The following VAC14 variants were observed in gnomAD, a reference collection of about 807,000 sequenced individuals.
VAC14 encodes protein VAC14 homolog.
VAC14 carries 47 observed loss-of-function variants against 85.3 expected under a neutral mutation model. The observed-to-expected ratio is 0.55, with a 90% CI of 0.44 to 0.70. The LOEUF (loss-of-function observed/expected upper bound fraction) is 0.70, where lower values mean the gene tolerates loss of function less well. Ranked by LOEUF, VAC14 falls within the 30% of genes least tolerant of loss-of-function variation. The probability of loss-of-function intolerance (pLI) is 0.00; values close to 1 mark genes in which losing one functional copy is unlikely to be tolerated. For missense variants in VAC14, 861 were observed against 1,004.3 expected, an observed-to-expected ratio of 0.86 and a Z score of 1.93; for synonymous variants, 447 against 430.5, an observed-to-expected ratio of 1.04 and a Z score of -0.47.
intron 18 of VAC14, among the ~76,000 whole-genome samples, chr16:70,692,407 G>A (rs1390690586): frequency 6.6e-6 from 1 of 152,106 alleles, no homozygotes; most frequent in Non-Finnish European, 1.5e-5. Flanking sequence ...TGTGAGGCCT[G>A]GGAGGTGCCC....
intron 14 of VAC14, among the ~76,000 whole-genome samples, chr16:70,730,594 CTTT>C (rs34654239): frequency 3.8e-5 from 4 of 106,538 alleles, no homozygotes; most frequent in Non-Finnish European, 5.5e-5. Flanking sequence ...GAGGCCCAGG[CTTT>C]TTTTTTTTTT....
intron 1 of VAC14, 120 bp from the exon 2 acceptor site, chr16:70,786,485 C>G: frequency 7.5e-7 from 1 of 1,338,900 alleles, no homozygotes; most frequent in Non-Finnish European, 1.0e-6. Context: ...GGGAGACAGG[C>G]GTCTCAGGGC....
rs118085135 is a variant in VAC14, at chr16:70,748,665, G to A, written c.1372-4086C>T. 3.6e-3 allele frequency among the ~76,000 whole-genome samples: 553 copies of A among 152,216 alleles called. 2 individuals carry two copies. Among genetic ancestry groups the A allele is most frequent in the South Asian group, 0.014 (69 of 4,826 alleles). ...AGATCTTCAAGAGCTCATGACACAAGGCCAGGTGCGGTGGCTCACGCCTGT... is the reference window on the plus strand; with the variant it reads ...AGATCTTCAAGAGCTCATGACACAAAGCCAGGTGCGGTGGCTCACGCCTGT... On this transcript the variant is annotated intron_variant, in intron 12 of 18. Coordinates refer to ENST00000261776, the MANE Select transcript of VAC14 (RefSeq NM_018052.5).
chr16:70,737,434 C>T (rs2054794526), intron 13 of VAC14, among the ~76,000 whole-genome samples: 1 of 152,200 alleles, frequency 6.6e-6, no homozygotes, highest in Non-Finnish European at 1.5e-5. Flanking sequence ...GACAGGCTCT[C>T]TTTGAGGGGC....
chr16:70,785,881 C>A lies in VAC14; in HGVS notation c.256-12G>T. The A allele has an allele frequency of 6.2e-7, 1 of 1,600,148 alleles. No individual in the cohort carries two copies. On this transcript the variant is annotated splice_polypyrimidine_tract_variant and intron_variant, in intron 2 of 18. Transcript: ENST00000261776. ...TAGAGCCCTGAGTCCTGCAAGGAGG[C>A]AGGAGGAGAAGACAGATCAGAATGG...
chr16:70,694,622 C>T (rs377384955), intron 17 of VAC14, among the ~76,000 whole-genome samples: 8 of 152,252 alleles, frequency 5.3e-5, no homozygotes, highest in Admixed American at 3.3e-4. Flanking sequence ...TGGGAGAGGC[C>T]GGGTGGCCAG....
intron 14 of VAC14, chr16:70,714,024 T>C (rs765349935): frequency 1.2e-4 from 19 of 152,104 alleles, no homozygotes; most frequent in Non-Finnish European, 2.1e-4. Context: ...CAGATACAAA[T>C]CTCTGCAGCT....
chr16:70,754,086 T>C (rs1401890132), intron 12 of VAC14, among the ~76,000 whole-genome samples: 1 of 152,152 alleles, frequency 6.6e-6, no homozygotes, highest in Admixed American at 6.5e-5. Context: ...CACTGGTCCA[T>C]CTGCCCAGGG....
At chr16:70,795,208 T>C (rs988155206) in intron 1 of VAC14, among the ~76,000 whole-genome samples, 3 of 152,196 alleles carry the variant, frequency 2.0e-5, no homozygotes, top group Admixed American at 6.5e-5. Context: ...GGCTCATGCC[T>C]GTAATCCCAG....
intron 13 of VAC14, among the ~76,000 whole-genome samples, chr16:70,741,385 G>A (rs894998620): frequency 1.1e-4 from 17 of 152,234 alleles, no homozygotes; most frequent in African/African-American, 2.9e-4. Flanking sequence ...CCGGGGCAGC[G>A]GAGGTGGGGG....
At chr16:70,692,601 T>C (rs1008193148) in intron 18 of VAC14, among the ~76,000 whole-genome samples, 5 of 152,124 alleles carry the variant, frequency 3.3e-5, no homozygotes, top group Admixed American at 6.5e-5. Flanking sequence ...CCGGCCACCG[T>C]GTGAGGGCTC....
intron 14 of VAC14, chr16:70,714,742 C>T (rs1444309775): frequency 1.3e-5 from 2 of 152,268 alleles, no homozygotes; most frequent in African/African-American, 2.4e-5. Context: ...ACTGCCTGTC[C>T]TAGCAGCACT....
rs555737484 is a variant in VAC14 at position 70,785,695 on chromosome 16, C to T, written c.423+7G>A. 4.6e-5 allele frequency: 71 copies of T among 1,550,738 alleles called. No individual in the cohort carries two copies. In the South Asian group the frequency reaches 5.5e-4, roughly 12 times the overall value. On this transcript the variant is annotated splice_region_variant and intron_variant, in intron 3 of 18. Coordinates refer to ENST00000261776, the MANE Select transcript of VAC14 (RefSeq NM_018052.5). ...AGCTCAGTGAGGAGGAGGAGGAGGG[C>T]GGTTACCTTGCTCAGCCCGTCAAAG...
At chr16:70,800,518 T>G (rs2034738252) in intron 1 of VAC14, among the ~76,000 whole-genome samples, 1 of 152,162 alleles carries the variant, frequency 6.6e-6, no homozygotes, top group Admixed American at 6.5e-5. Context: ...CCATGTGCCA[T>G]GCACTGTGCA....
At position 70,762,564 on chromosome 16, in the gene VAC14, C is replaced by G; in HGVS notation, c.1347G>C (p.Gln449His). Residue 449 changes from glutamine to histidine, a missense_variant, in exon 12 of 19, where the codon CAG (glutamine) becomes CAC (histidine). Around this residue, in one of 3 missense-constraint regions of VAC14, gnomAD observed 629 missense variants for 703.1 expected, o/e 0.89. Transcript: ENST00000261776. The surrounding 1 kb of genome is among the most constrained non-coding windows in gnomAD (Gnocchi z 4.1). The part of the protein sequence containing the change: ...HTDSLFPILL[Q>H]TLSDESDEVI... ...CCTCATCCGATTCATCCGATAACGT[C>G]TGCAGTAGGATGGGAAAGAGGCTGT... 6 of 1,614,174 alleles carry G rather than the reference C, an allele frequency of 3.7e-6. No individual in the cohort carries two copies. Among genetic ancestry groups the G allele is most frequent in the Non-Finnish European group, 4.2e-6 (5 of 1,180,020 alleles).
chr16:70,797,067 A>C (rs1269488510), intron 1 of VAC14, among the ~76,000 whole-genome samples: 2 of 152,296 alleles, frequency 1.3e-5, no homozygotes, highest in East Asian at 1.9e-4. Context: ...CATCTCTATA[A>C]AATAAATTAA....
rs542131983 is a variant in VAC14 at position 70,776,964 on chromosome 16, T to C, written c.1096+3826A>G. ...CTTGGACTATAGGCATGCACCACCA[T>C]GACTGGCTAATTTTTTGTATTTTTA... is the stretch of plus-strand genomic sequence containing the variant. On this transcript the variant is annotated intron_variant, in intron 9 of 18. Transcript: ENST00000261776. 2.6e-5 allele frequency among the ~76,000 whole-genome samples: 4 copies of C among 152,146 alleles called. No homozygotes were observed. The East Asian group carries it at 5.8e-4, about 22-fold the overall frequency.
chr16:70,722,064 C>T (rs374927632), intron 14 of VAC14, among the ~76,000 whole-genome samples: 6 of 152,314 alleles, frequency 3.9e-5, no homozygotes, highest in Non-Finnish European at 5.9e-5. Flanking sequence ...TGCTCAGGTG[C>T]CACAGGTGCC....
At chr16:70,782,298 A>C (rs895085886) in intron 7 of VAC14, among the ~76,000 whole-genome samples, 1 of 152,212 alleles carries the variant, frequency 6.6e-6, no homozygotes, top group Admixed American at 6.5e-5. Flanking sequence ...CCACCCCTTG[A>C]ATCTGGGCTG....
Sources: gnomAD v4.1 joint callset for allele counts (sites outside exome capture counted in the v4.1 genomes callset) on GRCh38, gnomAD v4.1.1 for gene constraint, gnomAD v4.1.1 regional missense constraint, Gnocchi (gnomAD v3.1) non-coding constraint, MANE v1.5 for transcripts, NCBI Gene and HGNC (gene_info 2026-07-23, HGNC 2026-07-21) for gene names.